The following LRP1B variants were observed in gnomAD, a reference collection of about 807,000 sequenced individuals.
LRP1B encodes the protein low-density lipoprotein receptor-related protein 1B.
Under a neutral mutation model 556.6 loss-of-function variants are expected in LRP1B, and 217 were observed. The observed-to-expected ratio is 0.39, with a 90% CI of 0.35 to 0.44. The LOEUF (loss-of-function observed/expected upper bound fraction) is 0.44. LRP1B is among the 20% of genes least tolerant of loss of function. The probability of loss-of-function intolerance (pLI) is 1.00; values close to 1 mark genes in which losing one functional copy is unlikely to be tolerated. For synonymous variants in LRP1B, 2,047 were observed against 1,865.8 expected, an observed-to-expected ratio of 1.10 and a Z score of -2.50; for missense variants, 5,053 against 5,620.8, an observed-to-expected ratio of 0.90 and a Z score of 3.23.
chr2:140,707,164 T>G (rs1686869514), intron 37 of LRP1B, among the ~76,000 whole-genome samples: 1 of 152,152 alleles, frequency 6.6e-6, no homozygotes, highest in Admixed American at 6.6e-5. Flanking sequence ...TTACAATAAA[T>G]GTGCCATTTC....
chr2:140,766,859 T>TATATATATATATA (rs1689137196), intron 35 of LRP1B, among the ~76,000 whole-genome samples: 1 of 50,214 alleles, frequency 2.0e-5, no homozygotes, highest in African/African-American at 4.5e-5. Context: ...TATATATATA[T>TATATATATATATA]ATATATAATA....
chr2:141,056,516 T>A (rs1011971430), intron 9 of LRP1B, among the ~76,000 whole-genome samples: 2 of 151,860 alleles, frequency 1.3e-5, no homozygotes, highest in African/African-American at 4.8e-5. Context: ...CCCATTCTAC[T>A]CATATATTCA....
chr2:141,202,126 A>G (rs1256480618), intron 6 of LRP1B, among the ~76,000 whole-genome samples: 1 of 152,116 alleles, frequency 6.6e-6, no homozygotes, highest in African/African-American at 2.4e-5. Context: ...CCCATCCCTG[A>G]CAGGCCTCAG....
chr2:141,776,601 T>C (rs1311396406), intron 2 of LRP1B, among the ~76,000 whole-genome samples: 1 of 152,210 alleles, frequency 6.6e-6, no homozygotes, highest in African/African-American at 2.4e-5. Flanking sequence ...GGTATCAGTA[T>C]TGCCATAGTG....
chr2:140,577,519 C>T (rs949132299), intron 43 of LRP1B, among the ~76,000 whole-genome samples: 3 of 151,696 alleles, frequency 2.0e-5, no homozygotes, highest in Non-Finnish European at 2.9e-5. Flanking sequence ...TGGGCTCAAG[C>T]GATCTTCCCA....
intron 6 of LRP1B, among the ~76,000 whole-genome samples, chr2:141,195,297 G>T (rs1454741505): frequency 1.3e-5 from 2 of 152,072 alleles, no homozygotes; most frequent in African/African-American, 2.4e-5. Flanking sequence ...AGTGAGCCTG[G>T]AAGCCAGTCT....
chr2:141,393,771 C>T (rs1228167806), intron 3 of LRP1B, among the ~76,000 whole-genome samples: 1 of 151,786 alleles, frequency 6.6e-6, no homozygotes, highest in African/African-American at 2.4e-5. Flanking sequence ...ATGATGACAT[C>T]AAAAAGCCCT....
intron 2 of LRP1B, among the ~76,000 whole-genome samples, chr2:141,704,773 T>C (rs550386784): frequency 1.3e-5 from 2 of 152,078 alleles, no homozygotes; most frequent in Middle Eastern, 3.4e-3. Flanking sequence ...TCCGCCCATA[T>C]CTTCCCATGT....
At chr2:140,498,012 CAAAT>C (rs1222985010) in intron 55 of LRP1B, among the ~76,000 whole-genome samples, 1 of 151,694 alleles carries the variant, frequency 6.6e-6, no homozygotes, top group Non-Finnish European at 1.5e-5. Flanking sequence ...TTTTTGGTCT[CAAAT>C]AATAAAAAGA....
intron 1 of LRP1B, among the ~76,000 whole-genome samples, chr2:142,008,886 G>A (rs1702875035): frequency 6.6e-6 from 1 of 151,910 alleles, no homozygotes; most frequent in Admixed American, 6.6e-5. Context: ...TCCACCAGCA[G>A]GTAGAATTCC....
intron 4 of LRP1B, among the ~76,000 whole-genome samples, chr2:141,248,665 A>T (rs575105103): frequency 6.6e-6 from 1 of 152,296 alleles, no homozygotes; most frequent in African/African-American, 2.4e-5. Flanking sequence ...GAGCCAGATA[A>T]TGAAGATATT....
At chr2:140,447,801 T>C (rs1686726126) in intron 63 of LRP1B, among the ~76,000 whole-genome samples, 1 of 152,122 alleles carries the variant, frequency 6.6e-6, no homozygotes, top group Non-Finnish European at 1.5e-5. Context: ...GACATGAAAT[T>C]CTTCCTTTCG....
At chr2:140,987,053 G>T (rs117784711) in intron 17 of LRP1B, among the ~76,000 whole-genome samples, 42 of 152,148 alleles carry the variant, frequency 2.8e-4, no homozygotes, top group African/African-American at 9.1e-4. Context: ...ACATAAATAT[G>T]CCATTTTTTT....
At chr2:140,990,579 T>C (rs930250743) in intron 16 of LRP1B, among the ~76,000 whole-genome samples, 7 of 151,808 alleles carry the variant, frequency 4.6e-5, no homozygotes, top group African/African-American at 1.5e-4. Flanking sequence ...AAAATCATCA[T>C]GAGTTTTCTT....
intron 43 of LRP1B, among the ~76,000 whole-genome samples, chr2:140,584,696 A>T (rs1335383769): frequency 6.6e-6 from 1 of 152,070 alleles, no homozygotes; most frequent in African/African-American, 2.4e-5. Context: ...GTAATACTTT[A>T]ATTTGCAAGA....
At chr2:142,029,872 T>C (rs1574611895) in intron 1 of LRP1B, among the ~76,000 whole-genome samples, 1 of 151,130 alleles carries the variant, frequency 6.6e-6, no homozygotes, top group African/African-American at 2.4e-5. Flanking sequence ...CTGATGCAAT[T>C]AATTTCTATT....
chr2:141,542,807 G>A (rs1249797923), intron 2 of LRP1B, among the ~76,000 whole-genome samples: 1 of 152,080 alleles, frequency 6.6e-6, no homozygotes, highest in African/African-American at 2.4e-5. Context: ...AATAGAGTTA[G>A]AATAGTTCTG....
rs1251320389 is a variant in LRP1B, at chr2:141,026,448, C to T, written c.1790-6346G>A. Among the ~76,000 whole-genome samples the T allele has an allele frequency of 2.0e-5, 3 of 152,168 alleles. No homozygotes were observed. The South Asian group carries it at 6.2e-4, about 32-fold the overall frequency. On this transcript the variant is annotated intron_variant, in intron 11 of 90. Transcript: ENST00000389484. ...ATCATGTTTAGTGAAAAATACTGAT[C>T]ACTAAATTCCAAGTTGAGCTTAAAA...
At chr2:140,496,112 G>T (rs534965635) in intron 55 of LRP1B, among the ~76,000 whole-genome samples, 3 of 152,168 alleles carry the variant, frequency 2.0e-5, no homozygotes, top group Admixed American at 6.5e-5. Flanking sequence ...GCAACTATAA[G>T]AATTAATCCT....
Sources: allele counts gnomAD v4.1 joint callset (sites outside exome capture counted in the v4.1 genomes callset), GRCh38; gene constraint gnomAD v4.1.1; transcripts MANE v1.5; gene names NCBI Gene and HGNC (gene_info 2026-07-23, HGNC 2026-07-21).